The following SMIM20 variants were observed in gnomAD, a reference collection of about 807,000 sequenced individuals.
The protein encoded by SMIM20 is small integral membrane protein 20, also known as mitochondrial translation regulation assembly intermediate of cytochrome c oxidase protein of 7 kDa.
In SMIM20, 3 loss-of-function variants were observed where a neutral mutation model predicts 8.7. That is an observed-to-expected ratio of 0.34 (90% CI 0.16 to 0.89). The LOEUF (loss-of-function observed/expected upper bound fraction) is 0.89, where lower values mean the gene tolerates loss of function less well. Ranked by LOEUF, SMIM20 falls within the 40% of genes least tolerant of loss-of-function variation. SMIM20 has a pLI of 0.49. For synonymous variants in SMIM20, 44 were observed against 33.6 expected, an observed-to-expected ratio of 1.31 and a Z score of -1.07; for missense variants, 85 against 84.8, an observed-to-expected ratio of 1.00 and a Z score of -0.01.
rs755022863 is a variant in SMIM20, at chr4:25,928,302, A to C, written c.110-11A>C. 22 of 1,548,366 alleles carry C rather than the reference A, an allele frequency of 1.4e-5. No individual in the cohort carries two copies. The highest frequency in any genetic ancestry group is 1.2e-4 in the Admixed American group (6 of 50,518). On this transcript the variant is annotated splice_polypyrimidine_tract_variant and intron_variant, in intron 1 of 2. Transcript: ENST00000506197. Reference sequence around the variant, plus strand: ...CCTTCTAAAGAATGATTTTTCTCTTATGTTTCTCAGAGAAGGAACAAGCTA... The same window carrying C: ...CCTTCTAAAGAATGATTTTTCTCTTCTGTTTCTCAGAGAAGGAACAAGCTA...
At chr4:25,927,745 G>A (rs1317348629) in intron 1 of SMIM20, among the ~76,000 whole-genome samples, 1 of 152,220 alleles carries the variant, frequency 6.6e-6, no homozygotes, top group African/African-American at 2.4e-5. Flanking sequence ...GACTGGCTTA[G>A]TTGCTGTCGC....
chr4:25,920,997 C>T (rs1038267646), intron 1 of SMIM20, among the ~76,000 whole-genome samples: 14 of 152,268 alleles, frequency 9.2e-5, no homozygotes, highest in South Asian at 2.1e-4. Context: ...CACCTAAGGA[C>T]GCATTTCTCA....
chr4:25,917,871 G>T (rs1719118356), intron 1 of SMIM20, among the ~76,000 whole-genome samples: 1 of 151,500 alleles, frequency 6.6e-6, no homozygotes, highest in Non-Finnish European at 1.5e-5. Flanking sequence ...AGAGAATGTG[G>T]ACTATATGAT....
rs745367667 is a variant in SMIM20, at chr4:25,929,030, C to T, written c.167-124C>T. 6 of 1,188,076 alleles carry T rather than the reference C, an allele frequency of 5.1e-6. No individual in the cohort carries two copies. In the South Asian group the frequency reaches 9.7e-5, roughly 19 times the overall value. 73.6% of individuals were successfully genotyped at this position (1,188,076 alleles called of 1,614,324 possible). On this transcript the variant is annotated intron_variant, in intron 2 of 2. Coordinates refer to ENST00000506197, the MANE Select transcript of SMIM20 (RefSeq NM_001145432.3). ...CCAAGGTTCCGGCAGCCTGCTCACA[C>T]CATCTCAAACTACACTGTAAATTGC...
chr4:25,928,692 T>C (rs1380669258), intron 2 of SMIM20, among the ~76,000 whole-genome samples: 1 of 152,250 alleles, frequency 6.6e-6, no homozygotes, highest in Non-Finnish European at 1.5e-5. Context: ...ACCAAGCACC[T>C]ATTTAAACAC....
chr4:25,914,777 A>G (rs529607850), intron 1 of SMIM20, among the ~76,000 whole-genome samples: 45 of 152,336 alleles, frequency 3.0e-4, no homozygotes, highest in African/African-American at 1.0e-3. Context: ...GGTTAGGCAT[A>G]TGTTGGATCG....
At chr4:25,920,788 C>G (rs1268117168) in intron 1 of SMIM20, among the ~76,000 whole-genome samples, 2 of 152,180 alleles carry the variant, frequency 1.3e-5, no homozygotes, top group Non-Finnish European at 2.9e-5. Flanking sequence ...TTTTACTGTA[C>G]CTTTTCAAGT....
chr4:25,919,465 AGTAGCT>A, intron 1 of SMIM20, among the ~76,000 whole-genome samples: 1 of 151,582 alleles, frequency 6.6e-6, no homozygotes, highest in East Asian at 2.0e-4. Flanking sequence ...CAGCCTCTCA[AGTAGCT>A]GGGATTACAG....
chr4:25,927,708 C>T (rs995461884), intron 1 of SMIM20, among the ~76,000 whole-genome samples: 3 of 152,192 alleles, frequency 2.0e-5, no homozygotes, highest in Non-Finnish European at 4.4e-5. Context: ...TTTCTCTTGG[C>T]CCTTGCCTGT....
chr4:25,928,448 C>T (rs991985696), intron 2 of SMIM20, 79 bp downstream of exon 2: 37 of 1,397,860 alleles, frequency 2.6e-5, no homozygotes, highest in Middle Eastern at 1.8e-4. Flanking sequence ...TTTGCCTTGG[C>T]GTGGAGAGTG....
intron 1 of SMIM20, among the ~76,000 whole-genome samples, chr4:25,916,759 T>C (rs1432187784): frequency 6.6e-6 from 1 of 152,184 alleles, no homozygotes; most frequent in Non-Finnish European, 1.5e-5. Flanking sequence ...TTCTGCCATG[T>C]TGGCCAGGCT....
At chr4:25,923,457 C>T (rs1202971525) in intron 1 of SMIM20, among the ~76,000 whole-genome samples, 2 of 152,170 alleles carry the variant, frequency 1.3e-5, no homozygotes, top group African/African-American at 4.8e-5. Context: ...AGCTCATTTC[C>T]GTCCCCTCAT....
At chr4:25,928,906 T>G (rs1711581229) in intron 2 of SMIM20, among the ~76,000 whole-genome samples, 1 of 152,230 alleles carries the variant, frequency 6.6e-6, no homozygotes, top group Non-Finnish European at 1.5e-5. Flanking sequence ...TTTATTTATT[T>G]TTTAACTAGG....
intron 1 of SMIM20, 98 bp from the exon 2 acceptor site, chr4:25,928,215 G>A: frequency 8.0e-7 from 1 of 1,246,916 alleles, no homozygotes; most frequent in Non-Finnish European, 1.1e-6. Context: ...CATAAATACT[G>A]TTTTCTAATT....
At chr4:25,928,244 A>C in intron 1 of SMIM20, 69 bp from the exon 2 acceptor site, 2 of 1,452,852 alleles carry the variant, frequency 1.4e-6, no homozygotes, top group Non-Finnish European at 1.9e-6. Context: ...TCATTGGCCC[A>C]TGTAAATACA....
chr4:25,923,247 AAG>A (rs1719229698), intron 1 of SMIM20, among the ~76,000 whole-genome samples: 1 of 152,186 alleles, frequency 6.6e-6, no homozygotes, highest in African/African-American at 2.4e-5. Flanking sequence ...ACAGTTAGGG[AAG>A]AGTACAGATG....
intron 1 of SMIM20, among the ~76,000 whole-genome samples, chr4:25,927,196 C>G (rs1223343127): frequency 6.6e-6 from 1 of 152,220 alleles, no homozygotes; most frequent in Admixed American, 6.5e-5. Context: ...CCTATGTGTT[C>G]TCTCCATCCC....
At chr4:25,919,573 C>T (rs1056896097) in intron 1 of SMIM20, among the ~76,000 whole-genome samples, 1 of 152,028 alleles carries the variant, frequency 6.6e-6, no homozygotes, top group African/African-American at 2.4e-5. Context: ...GTCTCAAACT[C>T]CTGAGCTCAG....
At position 25,928,377 on chromosome 4, in the gene SMIM20, G is replaced by A; in HGVS notation, c.166+8G>A. The A allele has an allele frequency of 1.2e-5, 15 of 1,256,472 alleles. No individual in the cohort carries two copies. Among genetic ancestry groups the A allele is most frequent in the South Asian group, 4.7e-5 (3 of 63,446 alleles). 77.8% of individuals were successfully genotyped at this position (1,256,472 alleles called of 1,614,324 possible). Reference sequence around the variant, plus strand: ...AGGATGTGCAGCCACCAGGTAAACTGAAAAAAAAAAATCAAAACCAAATCT... The same window carrying A: ...AGGATGTGCAGCCACCAGGTAAACTAAAAAAAAAAAATCAAAACCAAATCT... On this transcript the variant is annotated splice_region_variant and intron_variant, in intron 2 of 2. Transcript: ENST00000506197.
Sources: allele counts gnomAD v4.1 joint callset (sites outside exome capture counted in the v4.1 genomes callset), GRCh38; gene constraint gnomAD v4.1.1; transcripts MANE v1.5; gene names NCBI Gene and HGNC (gene_info 2026-07-23, HGNC 2026-07-21).